The following UNC5D variants were observed in gnomAD, a reference collection of about 807,000 sequenced individuals.
UNC5D encodes unc-5 netrin receptor D, also known as netrin receptor UNC5D.
UNC5D carries 39 observed loss-of-function variants against 105.4 expected under a neutral mutation model. The ratio of observed to expected loss-of-function variants is 0.37; its 90% CI spans 0.29 to 0.48. The LOEUF is 0.48. Ranked by LOEUF, UNC5D falls within the 20% of genes least tolerant of loss-of-function variation. UNC5D has a pLI of 0.98. For missense variants in UNC5D, 991 were observed against 1,202.4 expected (o/e 0.82, Z 2.60); for synonymous variants, 452 against 450.4 (o/e 1.00, Z -0.04).
Position 35,683,670 on chromosome 8 carries a change from A to T in UNC5D, c.694A>T (p.Met232Leu). Reference protein sequence around the residue: ...RLSDSGNYTCMAANIVAKRRS... With the variant: ...RLSDSGNYTCLAANIVAKRRS... ...CTCGGACTCAGGAAATTACACCTGC[A>T]TGGCAGCCAACATCGTGGCTAAGAG... Residue 232 changes from methionine to leucine, a missense_variant, in exon 5 of 17, where the codon ATG (methionine) becomes TTG (leucine). By Grantham distance (15) the Met-to-Leu change is conservative. This residue lies in a region of UNC5D where 944 missense variants were observed against 1,131.6 expected (regional missense o/e 0.83). Coordinates refer to ENST00000404895, the MANE Select transcript of UNC5D (RefSeq NM_080872.4). The T allele has an allele frequency of 6.4e-7, 1 of 1,567,472 alleles. No individual in the cohort carries two copies. The highest frequency in any genetic ancestry group is 1.4e-5 in the African/African-American group (1 of 71,680).
intron 1 of UNC5D, among the ~76,000 whole-genome samples, chr8:35,265,743 G>A (rs1468497317): frequency 5.3e-5 from 8 of 151,796 alleles, no homozygotes; most frequent in Admixed American, 1.3e-4. Flanking sequence ...GGTGGCAGGC[G>A]CCTGTAGTCC....
Position 35,475,412 on chromosome 8 carries a change from G to T in UNC5D, c.104-73880G>T, listed in dbSNP as rs551509203. On this transcript the variant is annotated intron_variant, in intron 1 of 16. Transcript: ENST00000404895. ...CCAGAGCCTTGCCACCTGCTTGCCTGTTGCTGGCTCTGTCTGGGGACTTGA... is the reference window on the plus strand; with the variant it reads ...CCAGAGCCTTGCCACCTGCTTGCCTTTTGCTGGCTCTGTCTGGGGACTTGA... Among the ~76,000 whole-genome samples the T allele has an allele frequency of 7.2e-5, 11 of 152,316 alleles. No individual in the cohort carries two copies. The South Asian group carries it at 1.0e-3, about 14-fold the overall frequency.
intron 1 of UNC5D, among the ~76,000 whole-genome samples, chr8:35,388,035 G>C (rs577830882): frequency 6.6e-6 from 1 of 152,012 alleles, no homozygotes; most frequent in African/African-American, 2.4e-5. Flanking sequence ...ATAGTACTGG[G>C]GAGGAATTTC....
At chr8:35,267,826 C>T (rs557469668) in intron 1 of UNC5D, among the ~76,000 whole-genome samples, 5 of 152,070 alleles carry the variant, frequency 3.3e-5, no homozygotes, top group African/African-American at 4.8e-5. Context: ...AAAATGAATA[C>T]GTATTTTTTT....
intron 16 of UNC5D, among the ~76,000 whole-genome samples, chr8:35,778,878 C>A (rs1279835092): frequency 6.6e-6 from 1 of 152,144 alleles, no homozygotes; most frequent in Non-Finnish European, 1.5e-5. Flanking sequence ...AAGGAAAAGA[C>A]AGGGAATGTA....
chr8:35,288,293 A>T, intron 1 of UNC5D, among the ~76,000 whole-genome samples: 1 of 152,134 alleles, frequency 6.6e-6, no homozygotes, highest in Non-Finnish European at 1.5e-5. Context: ...AGAGAGTGGG[A>T]TGGTATACTC....
chr8:35,501,950 C>T (rs1036213710), intron 1 of UNC5D, among the ~76,000 whole-genome samples: 16 of 152,026 alleles, frequency 1.1e-4, no homozygotes, highest in African/African-American at 2.9e-4. Flanking sequence ...ACTTGCCCTC[C>T]GCTTAATATT....
chr8:35,729,041 T>A (rs1404369302), intron 10 of UNC5D, among the ~76,000 whole-genome samples: 1 of 152,210 alleles, frequency 6.6e-6, no homozygotes, highest in Non-Finnish European at 1.5e-5. Context: ...TTTGCATGTT[T>A]GGGCAGGAGG....
At position 35,251,676 on chromosome 8, in the gene UNC5D, T is replaced by C. The variant is rs754146785; in HGVS notation, c.103+15789T>C. Reference sequence around the variant, plus strand: ...GGTTAGAGATTGTGCCATGTTTCTCTTGTGGACAAGAACATAGGGGCCCAT... The same window carrying C: ...GGTTAGAGATTGTGCCATGTTTCTCCTGTGGACAAGAACATAGGGGCCCAT... On this transcript the variant is annotated intron_variant, in intron 1 of 16. Coordinates refer to ENST00000404895, the MANE Select transcript of UNC5D (RefSeq NM_080872.4). Among the ~76,000 whole-genome samples the C allele has an allele frequency of 7.2e-5, 11 of 152,230 alleles. No homozygotes were observed. The South Asian group carries it at 8.3e-4, about 11-fold the overall frequency.
chr8:35,366,468 C>A (rs912951217), intron 1 of UNC5D, among the ~76,000 whole-genome samples: 4 of 152,100 alleles, frequency 2.6e-5, no homozygotes, highest in Admixed American at 2.6e-4. Flanking sequence ...TTTCTTGACT[C>A]TCCAGAACTG....
At chr8:35,236,677 G>C (rs1454576650) in intron 1 of UNC5D, among the ~76,000 whole-genome samples, 3 of 152,158 alleles carry the variant, frequency 2.0e-5, no homozygotes, top group Admixed American at 6.5e-5. Context: ...GGGAAATTTC[G>C]CAACTGGTTT....
intron 1 of UNC5D, among the ~76,000 whole-genome samples, chr8:35,302,666 G>T (rs1433014009): frequency 6.6e-6 from 1 of 152,134 alleles, no homozygotes; most frequent in East Asian, 1.9e-4. Flanking sequence ...ACACATTAAA[G>T]CATTTGTGAA....
intron 1 of UNC5D, among the ~76,000 whole-genome samples, chr8:35,482,438 C>A (rs982181777): frequency 1.6e-4 from 24 of 152,148 alleles, no homozygotes; most frequent in African/African-American, 5.6e-4. Context: ...CTCCTCCTTC[C>A]TCTGCTCTGC....
At chr8:35,249,780 G>A (rs1194639156) in intron 1 of UNC5D, among the ~76,000 whole-genome samples, 1 of 151,942 alleles carries the variant, frequency 6.6e-6, no homozygotes, top group Non-Finnish European at 1.5e-5. Flanking sequence ...TGCTGGAGAA[G>A]TGTTGAAAAC....
intron 1 of UNC5D, among the ~76,000 whole-genome samples, chr8:35,274,261 G>A (rs955748549): frequency 1.3e-5 from 2 of 152,294 alleles, no homozygotes; most frequent in African/African-American, 4.8e-5. Context: ...CTGCCAGGGT[G>A]AAAAGCCGAG....
intron 12 of UNC5D, among the ~76,000 whole-genome samples, chr8:35,749,190 A>G (rs1830143887): frequency 6.6e-6 from 1 of 152,212 alleles, no homozygotes; most frequent in Admixed American, 6.5e-5. Flanking sequence ...TGCATTGAGA[A>G]TTATTATCAG....
intron 1 of UNC5D, among the ~76,000 whole-genome samples, chr8:35,457,954 AT>A (rs1202599121): frequency 6.6e-6 from 1 of 152,078 alleles, no homozygotes; most frequent in African/African-American, 2.4e-5. Flanking sequence ...CTGGCAAACA[AT>A]TTTTTCGAAG....
chr8:35,537,615 G>A (rs1814931673), intron 1 of UNC5D, among the ~76,000 whole-genome samples: 1 of 151,820 alleles, frequency 6.6e-6, no homozygotes, highest in South Asian at 2.1e-4. Context: ...TGGAATTGGA[G>A]GCTGCAGTAA....
intron 1 of UNC5D, among the ~76,000 whole-genome samples, chr8:35,419,768 T>A (rs1453743217): frequency 1.3e-5 from 2 of 152,226 alleles, no homozygotes; most frequent in Non-Finnish European, 2.9e-5. Flanking sequence ...GTGTTACTGG[T>A]CCTTTTACAC....
Sources: gnomAD v4.1 joint callset for allele counts (sites outside exome capture counted in the v4.1 genomes callset) on GRCh38, gnomAD v4.1.1 for gene constraint, gnomAD v4.1.1 regional missense constraint, MANE v1.5 for transcripts, NCBI Gene and HGNC (gene_info 2026-07-23, HGNC 2026-07-21) for gene names.